NUSAP1: variants seen among roughly 807,000 people sequenced by gnomAD.
NUSAP1 encodes the protein nucleolar and spindle associated protein 1, also known as nucleolar and spindle-associated protein 1.
A neutral mutation model predicts 52.8 loss-of-function variants in NUSAP1; 32 were observed. The ratio of observed to expected loss-of-function variants is 0.61; its 90% CI spans 0.46 to 0.81. The LOEUF (loss-of-function observed/expected upper bound fraction) is 0.81. Ranked by LOEUF, NUSAP1 falls within the 40% of genes least tolerant of loss-of-function variation. The probability of loss-of-function intolerance (pLI) is 0.00; values close to 1 mark genes in which losing one functional copy is unlikely to be tolerated. For missense variants in NUSAP1, 499 were observed against 522.3 expected, an observed-to-expected ratio of 0.96 and a Z score of 0.43; for synonymous variants, 195 against 183.1, an observed-to-expected ratio of 1.06 and a Z score of -0.52.
In NUSAP1 at chr15:41,356,059, C is replaced by A; in HGVS notation, c.469C>A (p.Pro157Thr). ...TTTAGGTAACAGAGATTCAAAGGTACCTTCAGAAGGAAAGAAATCTCTCTA... is the reference window on the plus strand; with the variant it reads ...TTTAGGTAACAGAGATTCAAAGGTAACTTCAGAAGGAAAGAAATCTCTCTA... ...VSSGNRDSKV[P>T]SEGKKSLYTD... Residue 157 changes from proline (P) to threonine (T), a missense_variant, in exon 5 of 11, where the codon CCT becomes ACT. Pro to Thr is a conservative substitution (Grantham distance 38). Transcript: ENST00000559596. 2 of 1,603,140 alleles carry A rather than the reference C, an allele frequency of 1.2e-6. No homozygotes were observed. Among genetic ancestry groups the A allele is most frequent in the Non-Finnish European group, 1.7e-6 (2 of 1,172,712 alleles).
intron 2 of NUSAP1, chr15:41,343,317 T>C (rs1420945619): frequency 6.6e-6 from 1 of 152,200 alleles, no homozygotes; most frequent in African/African-American, 2.4e-5. Flanking sequence ...CCTAAACGGA[T>C]GAATGAGTGC....
At chr15:41,354,671 AT>A (rs2048896769) in intron 4 of NUSAP1, among the ~76,000 whole-genome samples, 2 of 20,588 alleles carry the variant, frequency 9.7e-5, no homozygotes, top group Non-Finnish European at 1.4e-4. Flanking sequence ...GTTTTAACCG[AT>A]ATATATATAT....
chr15:41,360,766 C>A (rs1391823207), intron 6 of NUSAP1, among the ~76,000 whole-genome samples: 2 of 151,654 alleles, frequency 1.3e-5, no homozygotes, highest in Non-Finnish European at 2.9e-5. Flanking sequence ...CTCACTGTTA[C>A]CACATTTGAA....
At chr15:41,345,580 C>T (rs1056662044) in intron 2 of NUSAP1, 2 of 352,066 alleles carry the variant, frequency 5.7e-6, no homozygotes, top group Non-Finnish European at 1.1e-5. Context: ...CTGCCTCAGC[C>T]TCCTGAGTAG....
At chr15:41,354,532 A>C (rs2048890715) in intron 4 of NUSAP1, among the ~76,000 whole-genome samples, 1 of 151,772 alleles carries the variant, frequency 6.6e-6, no homozygotes, top group Non-Finnish European at 1.5e-5. Flanking sequence ...AACCAAAATA[A>C]GTATAGGAAG....
chr15:41,375,756 G>A lies in NUSAP1; in HGVS notation c.1051G>A (p.Val351Ile). 6.2e-7 allele frequency: 1 copy of A among 1,613,896 alleles called. No individual in the cohort carries two copies. Among genetic ancestry groups the A allele is most frequent in the Non-Finnish European group, 8.5e-7 (1 of 1,179,838 alleles). ...KLTTEATQTP[V>I]SNKKPVFDLK... The stretch of plus-strand genomic sequence containing the variant: ...GACAACTGAGGCAACGCAGACTCCA[G>A]TCTCCAATAAGAAACCAGTGTTTGA... Residue 351 changes from valine (V) to isoleucine (I), a missense_variant, in exon 9 of 11, where the codon GTC (valine) becomes ATC (isoleucine). Val to Ile is a conservative substitution (Grantham distance 29). Transcript: ENST00000559596.
intron 10 of NUSAP1, among the ~76,000 whole-genome samples, chr15:41,379,604 G>A (rs2050128338): frequency 6.6e-6 from 1 of 152,090 alleles, no homozygotes; most frequent in Admixed American, 6.6e-5. Flanking sequence ...GAGTGCAGTG[G>A]CGTGATCTCG....
intron 8 of NUSAP1, among the ~76,000 whole-genome samples, chr15:41,374,245 G>T (rs944990299): frequency 6.6e-6 from 1 of 152,128 alleles, no homozygotes; most frequent in Non-Finnish European, 1.5e-5. Context: ...TATAAACAGC[G>T]GTAATTTCTT....
At chr15:41,366,291 CTTT>C (rs1200034822) in intron 7 of NUSAP1, among the ~76,000 whole-genome samples, 3 of 139,784 alleles carry the variant, frequency 2.1e-5, no homozygotes, top group African/African-American at 8.0e-5. Flanking sequence ...TTTCTTTTTT[CTTT>C]TTTTTTTTTT....
intron 7 of NUSAP1, 67 bp from the exon 8 acceptor site, chr15:41,371,460 T>A (rs1158440996): frequency 3.8e-5 from 52 of 1,370,048 alleles, no homozygotes; most frequent in Non-Finnish European, 5.0e-5. Flanking sequence ...AGTGGTTTTA[T>A]TTATAAGCTA....
At chr15:41,354,745 G>A (rs535558413) in intron 4 of NUSAP1, among the ~76,000 whole-genome samples, 15 of 151,366 alleles carry the variant, frequency 9.9e-5, no homozygotes, top group South Asian at 2.1e-4. Flanking sequence ...AGGGCAGGGC[G>A]CGGTGGCTCA....
At position 41,378,944 on chromosome 15, in the gene NUSAP1, G is replaced by GGTTTTTTTTT. The variant is rs1253258207; in HGVS notation, c.1233-1149_1233-1148insGTTTTTTTTT. ...CCCAAGATTATATTAACTTATCTTGGTTTTTTTTTTTTTTTTTTTTTTTTT... is the reference window on the plus strand; with the variant it reads ...CCCAAGATTATATTAACTTATCTTGGGTTTTTTTTTTTTTTTTTTTTTTTTTTTTTTTTTT... On this transcript the variant is annotated intron_variant, in intron 10 of 10. Coordinates refer to ENST00000559596, the MANE Select transcript of NUSAP1 (RefSeq NM_016359.5). Among the ~76,000 whole-genome samples the GGTTTTTTTTT allele has an allele frequency of 3.5e-4, 22 of 63,260 alleles. 1 individual carries two copies. The highest frequency in any genetic ancestry group is 1.5e-3 in the African/African-American group (21 of 14,274). The allele number at this position is 63,260 out of a possible 152,430, so 41.5% of individuals were successfully genotyped here. A position where few individuals can be genotyped will look rare whatever the true frequency, so the allele number is the denominator to read the frequency against.
chr15:41,365,317 C>T (rs972558272), intron 6 of NUSAP1, 85 bp from the exon 7 acceptor site: 15 of 1,160,886 alleles, frequency 1.3e-5, no homozygotes, highest in South Asian at 4.8e-5. Context: ...CCACAACGCC[C>T]GGCTAATTTT....
chr15:41,375,281 A>G (rs182026666), intron 8 of NUSAP1, among the ~76,000 whole-genome samples: 1 of 143,784 alleles, frequency 7.0e-6, no homozygotes, highest in East Asian at 2.1e-4. Context: ...GGGTTCAAGC[A>G]ATTCTCCTGC....
intron 7 of NUSAP1, among the ~76,000 whole-genome samples, chr15:41,367,201 G>C (rs2049452979): frequency 6.6e-6 from 1 of 152,202 alleles, no homozygotes; most frequent in African/African-American, 2.4e-5. Context: ...GGGGCGTTGA[G>C]CAGGTCAGGG....
intron 2 of NUSAP1, among the ~76,000 whole-genome samples, chr15:41,347,559 T>C (rs1398344314): frequency 6.6e-6 from 1 of 152,074 alleles, no homozygotes; most frequent in Non-Finnish European, 1.5e-5. Flanking sequence ...CTCACTCCTG[T>C]AATCCCAGCA....
At chr15:41,345,449 A>T (rs769984732) in intron 2 of NUSAP1, 2 of 419,248 alleles carry the variant, frequency 4.8e-6, no homozygotes, top group East Asian at 1.5e-4. Context: ...GAAATTTATG[A>T]TCACCTATTT....
chr15:41,365,495 C>CAAGGCCGGTCTTGTGG lies in NUSAP1; in HGVS notation c.755_770dup (p.Pro258ArgfsTer27). ...TACTCCCATCAGCCAACGACGCTCG[C>CAAGGCCGGTCTTGTGG]AAGGCCGGTCTTGTGGCCCTGCAAG... On this transcript the variant is annotated frameshift_variant, in exon 7 of 11. Coordinates refer to ENST00000559596, the MANE Select transcript of NUSAP1 (RefSeq NM_016359.5). LOFTEE classifies it high-confidence loss of function. The CAAGGCCGGTCTTGTGG allele has an allele frequency of 6.2e-7, 1 of 1,612,792 alleles. No homozygotes were observed. The highest frequency in any genetic ancestry group is 1.3e-5 in the African/African-American group (1 of 75,030).
intron 4 of NUSAP1, among the ~76,000 whole-genome samples, chr15:41,352,887 C>T (rs1274291688): frequency 6.6e-6 from 1 of 151,956 alleles, no homozygotes; most frequent in African/African-American, 2.4e-5. Flanking sequence ...AGTTTTTTGT[C>T]CTCTGAGTTG....
Sources: allele counts gnomAD v4.1 joint callset (sites outside exome capture counted in the v4.1 genomes callset), GRCh38; gene constraint gnomAD v4.1.1; transcripts MANE v1.5; gene names NCBI Gene and HGNC (gene_info 2026-07-23, HGNC 2026-07-21).